The following MYT1L variants were observed in gnomAD, a reference collection of about 807,000 sequenced individuals.
The protein encoded by MYT1L is myelin transcription factor 1-like protein.
Under a neutral mutation model 126.7 loss-of-function variants are expected in MYT1L, and 12 were observed. The observed-to-expected ratio is 0.09, with a 90% CI of 0.06 to 0.15. MYT1L has a LOEUF of 0.15. Among genes scored for constraint, MYT1L ranks in the 10% least tolerant of loss-of-function variants. MYT1L has a pLI of 1.00. For synonymous variants in MYT1L, 541 were observed against 604.2 expected, an observed-to-expected ratio of 0.90 and a Z score of 1.53; for missense variants, 979 against 1,585.2, an observed-to-expected ratio of 0.62 and a Z score of 6.49.
chr2:2,051,492 C>T (rs888190056), intron 4 of MYT1L, among the ~76,000 whole-genome samples: 1 of 152,072 alleles, frequency 6.6e-6, no homozygotes, highest in Admixed American at 6.5e-5. Context: ...AGCAATGAAC[C>T]GCTGGACACC....
At chr2:2,010,191 G>C (rs2063692783) in intron 4 of MYT1L, among the ~76,000 whole-genome samples, 1 of 152,180 alleles carries the variant, frequency 6.6e-6, no homozygotes, top group Non-Finnish European at 1.5e-5. Context: ...TTCTCCTCCT[G>C]CTTAGCTGCT....
Position 2,003,959 on chromosome 2 carries a change from G to C in MYT1L, c.-157-6612C>G, listed in dbSNP as rs140584817. Among the ~76,000 whole-genome samples the C allele has an allele frequency of 4.1e-3, 608 of 149,372 alleles. 1 individual carries two copies. The highest frequency in any genetic ancestry group is 0.014 in the African/African-American group (567 of 40,040). On this transcript the variant is annotated intron_variant, in intron 4 of 24. Transcript: ENST00000647738. ...CCTGCATGAGTTCTTTCCTGCATGC[G>C]TTCTTTCCTGCAGGCATTCTTTCCT...
intron 9 of MYT1L, among the ~76,000 whole-genome samples, chr2:1,937,440 G>A (rs868509146): frequency 4.0e-5 from 6 of 150,914 alleles, no homozygotes; most frequent in Middle Eastern, 7.1e-3. Flanking sequence ...ATCGTACATC[G>A]AGAAGGCCCT....
At chr2:2,060,478 TTA>T (rs2070256551) in intron 3 of MYT1L, among the ~76,000 whole-genome samples, 1 of 152,190 alleles carries the variant, frequency 6.6e-6, no homozygotes, top group Admixed American at 6.5e-5. Context: ...ATCTATTACT[TTA>T]TGTTTAGTTA....
At chr2:2,323,641 C>T (rs1414562742) in intron 1 of MYT1L, among the ~76,000 whole-genome samples, 1 of 152,164 alleles carries the variant, frequency 6.6e-6, no homozygotes, top group African/African-American at 2.4e-5. Flanking sequence ...AGGATTCCAG[C>T]AGGCTCTTTA....
chr2:1,873,798 T>A (rs1573084597), intron 18 of MYT1L, among the ~76,000 whole-genome samples: 1 of 152,094 alleles, frequency 6.6e-6, no homozygotes, highest in Non-Finnish European at 1.5e-5. Flanking sequence ...GACAAATAGA[T>A]CTTGACTTCC....
chr2:2,147,645 C>T (rs528927364), intron 3 of MYT1L, among the ~76,000 whole-genome samples: 4 of 152,324 alleles, frequency 2.6e-5, no homozygotes, highest in South Asian at 2.1e-4. Context: ...CCTCTGCACC[C>T]GCAGGACGGG....
intron 2 of MYT1L, among the ~76,000 whole-genome samples, chr2:2,217,685 C>CAAAAAAAAAAAAAAAAAAAAAAAAA (rs1167910803): frequency 5.0e-5 from 4 of 79,662 alleles, no homozygotes; most frequent in Middle Eastern, 6.0e-3. Context: ...ACAACAACAA[C>CAAAAAAAAAAAAAAAAAAAAAAAAA]AACAACAACA....
At chr2:2,328,408 A>G (rs1228617043) in intron 1 of MYT1L, among the ~76,000 whole-genome samples, 1 of 152,244 alleles carries the variant, frequency 6.6e-6, no homozygotes, top group East Asian at 1.9e-4. Flanking sequence ...GAAACTATCC[A>G]CATAGTCCTA....
At chr2:2,039,206 A>G (rs2067237891) in intron 4 of MYT1L, among the ~76,000 whole-genome samples, 1 of 152,128 alleles carries the variant, frequency 6.6e-6, no homozygotes. Flanking sequence ...GTATTGTGGT[A>G]TTTGACCCTC....
At chr2:2,009,102 T>C (rs1029645550) in intron 4 of MYT1L, among the ~76,000 whole-genome samples, 1 of 152,110 alleles carries the variant, frequency 6.6e-6, no homozygotes, top group Non-Finnish European at 1.5e-5. Context: ...AATATAATTT[T>C]AAATCAAGAA....
intron 2 of MYT1L, among the ~76,000 whole-genome samples, chr2:2,180,984 C>CTG (rs1251497037): frequency 1.1e-5 from 1 of 94,142 alleles, no homozygotes; most frequent in Non-Finnish European, 2.3e-5. Context: ...GTGTGTGTAC[C>CTG]TGTGTGTGCT....
At chr2:1,837,457 C>T (rs535205270) in intron 21 of MYT1L, among the ~76,000 whole-genome samples, 2 of 152,128 alleles carry the variant, frequency 1.3e-5, no homozygotes, top group African/African-American at 4.8e-5. Context: ...AAAGTAGACA[C>T]TTTTTTGGAG....
chr2:2,325,082 A>T (rs1038221487), intron 1 of MYT1L: 6 of 152,564 alleles, frequency 3.9e-5, no homozygotes, highest in African/African-American at 1.4e-4. Flanking sequence ...AGCAGCTACC[A>T]GCTAGGCAAT....
At chr2:2,032,753 C>G (rs1433484704) in intron 4 of MYT1L, among the ~76,000 whole-genome samples, 1 of 115,548 alleles carries the variant, frequency 8.7e-6, no homozygotes, top group Non-Finnish European at 1.8e-5. Flanking sequence ...GTCGCCAGTG[C>G]CTCTCATCCT....
intron 5 of MYT1L, among the ~76,000 whole-genome samples, chr2:1,995,790 G>A (rs970220132): frequency 1.8e-4 from 28 of 152,180 alleles, no homozygotes; most frequent in African/African-American, 6.8e-4. Flanking sequence ...GTCCCAGGAG[G>A]AGGCCAGCGT....
chr2:2,303,197 G>A (rs907247246), intron 1 of MYT1L, among the ~76,000 whole-genome samples: 1 of 152,158 alleles, frequency 6.6e-6, no homozygotes, highest in African/African-American at 2.4e-5. Context: ...CATCACAGGT[G>A]GAGATGCAAT....
chr2:2,084,529 A>G (rs1027857358), intron 3 of MYT1L, among the ~76,000 whole-genome samples: 1 of 152,186 alleles, frequency 6.6e-6, no homozygotes, highest in Non-Finnish European at 1.5e-5. Flanking sequence ...CTCCTCAGCC[A>G]GCAGCCAGCA....
intron 18 of MYT1L, among the ~76,000 whole-genome samples, chr2:1,877,811 G>A (rs1465355973): frequency 1.6e-5 from 2 of 123,532 alleles, no homozygotes; most frequent in Admixed American, 7.4e-5. Flanking sequence ...AAAAAAAAAT[G>A]CATGATAATG....
Sources: gnomAD v4.1 joint callset for allele counts (sites outside exome capture counted in the v4.1 genomes callset) on GRCh38, gnomAD v4.1.1 for gene constraint, MANE v1.5 for transcripts, NCBI Gene and HGNC (gene_info 2026-07-23, HGNC 2026-07-21) for gene names.